The following AGPAT3 variants were observed in gnomAD, a reference collection of about 807,000 sequenced individuals.
AGPAT3 encodes 1-acylglycerol-3-phosphate O-acyltransferase 3, also known as 1-acyl-sn-glycerol-3-phosphate acyltransferase gamma.
A neutral mutation model predicts 47.3 loss-of-function variants in AGPAT3; 5 were observed. That is an observed-to-expected ratio of 0.11 (90% CI 0.06 to 0.22). The LOEUF (loss-of-function observed/expected upper bound fraction) is 0.22. Among genes scored for constraint, AGPAT3 ranks in the 10% least tolerant of loss-of-function variants. The pLI is 1.00. For missense variants in AGPAT3, 315 were observed against 493.0 expected (o/e 0.64, Z 3.42); for synonymous variants, 212 against 208.3 (o/e 1.02, Z -0.15).
chr21:43,891,522 A>G (rs1300258258), intron 1 of AGPAT3, among the ~76,000 whole-genome samples: 3 of 151,952 alleles, frequency 2.0e-5, no homozygotes, highest in Non-Finnish European at 4.4e-5. Context: ...AATCCCAGCT[A>G]CTCAAGAGGC....
intron 2 of AGPAT3, among the ~76,000 whole-genome samples, chr21:43,947,792 T>G (rs1247534932): frequency 6.6e-6 from 1 of 151,570 alleles, no homozygotes; most frequent in African/African-American, 2.4e-5. Flanking sequence ...TATAGGCGCC[T>G]GCCACCACAC....
rs1441974269 is a variant in AGPAT3 at position 43,872,993 on chromosome 21, CT to C, written c.-112+7649del. Among the ~76,000 whole-genome samples the C allele has an allele frequency of 6.6e-5, 10 of 152,242 alleles. 1 individual carries two copies. The highest frequency in any genetic ancestry group is 1.5e-4 in the Non-Finnish European group (10 of 68,040). Reference sequence around the variant, plus strand: ...AACCACAGAGAGCTGCGGCCTCCCCCTGCCGGGACGGCGAAACTTAAAAGAC... The same window carrying C: ...AACCACAGAGAGCTGCGGCCTCCCCCGCCGGGACGGCGAAACTTAAAAGAC... On this transcript the variant is annotated intron_variant, in intron 1 of 9. Coordinates refer to ENST00000291572, the MANE Select transcript of AGPAT3 (RefSeq NM_020132.5).
chr21:43,967,524 T>G (rs528934464), intron 3 of AGPAT3: 9 of 161,388 alleles, frequency 5.6e-5, no homozygotes, highest in African/African-American at 2.1e-4. Context: ...AATTCCATTC[T>G]GCTCTTAACT....
chr21:43,969,126 G>A lies in AGPAT3; in HGVS notation c.357G>A (p.Lys119=). The A allele has an allele frequency of 6.2e-7, 1 of 1,614,154 alleles. No individual in the cohort carries two copies. The highest frequency in any genetic ancestry group is 1.3e-5 in the African/African-American group (1 of 75,054). ...CCTTCTCCTCCCTCCAGAGCTCCAA[G>A]GTCCTCGCTAAGAAGGAGCTGCTCT... ...CERFGVLGSS[K]VLAKKELLYV... The change falls in exon 5 of 10, where the codon AAG becomes AAA. Residue 119 remains lysine, a synonymous_variant. Coordinates refer to ENST00000291572, the MANE Select transcript of AGPAT3 (RefSeq NM_020132.5).
intron 2 of AGPAT3, among the ~76,000 whole-genome samples, chr21:43,917,924 G>GTGTGGGTGT (rs1176136751): frequency 5.9e-4 from 46 of 77,360 alleles, no homozygotes; most frequent in African/African-American, 2.2e-3. Flanking sequence ...GTTGTAGGGG[G>GTGTGGGTGT]TGTGGGTGTT....
rs542511827 is a variant in AGPAT3 at position 43,894,895 on chromosome 21, G to T, written c.-111-9062G>T. On this transcript the variant is annotated intron_variant, in intron 1 of 9. Transcript: ENST00000291572. ...TCCCCTTTCTTTCCTGACCTGATTC[G>T]CACCTCCTCTCTTTTTATCATCAAC... Among the ~76,000 whole-genome samples the T allele has an allele frequency of 2.6e-5, 4 of 152,042 alleles. No homozygotes were observed. The South Asian group carries it at 8.3e-4, about 32-fold the overall frequency.
chr21:43,897,707 G>A (rs986299699), intron 1 of AGPAT3, among the ~76,000 whole-genome samples: 18 of 152,098 alleles, frequency 1.2e-4, no homozygotes, highest in African/African-American at 4.3e-4. Flanking sequence ...GGGGCGGCTG[G>A]GCAGAGACGC....
chr21:43,872,188 T>G (rs2085637782), intron 1 of AGPAT3, among the ~76,000 whole-genome samples: 1 of 151,912 alleles, frequency 6.6e-6, no homozygotes, highest in South Asian at 2.1e-4. Context: ...GTTTTTTTTT[T>G]TTTTTCTTTT....
intron 2 of AGPAT3, chr21:43,916,404 A>G (rs1489978277): frequency 6.6e-6 from 1 of 152,158 alleles, no homozygotes; most frequent in Admixed American, 6.5e-5. Context: ...TGCTGAATGA[A>G]GTGTGTCGGG....
At chr21:43,892,330 GA>G (rs1332277884) in intron 1 of AGPAT3, among the ~76,000 whole-genome samples, 1 of 151,412 alleles carries the variant, frequency 6.6e-6, no homozygotes, top group Non-Finnish European at 1.5e-5. Context: ...GAAAAAAAAA[GA>G]AATTACTCCT....
intron 3 of AGPAT3, among the ~76,000 whole-genome samples, chr21:43,962,158 T>G (rs1056803355): frequency 1.2e-4 from 19 of 152,008 alleles, no homozygotes; most frequent in East Asian, 3.9e-4. Context: ...CCGCCACCAC[T>G]CCTGGCTAAT....
rs1321385797 is a variant in AGPAT3 at position 43,934,966 on chromosome 21, A to G, written c.-48-24668A>G. Among the ~76,000 whole-genome samples the G allele has an allele frequency of 6.7e-6, 1 of 148,600 alleles. No individual in the cohort carries two copies. The highest frequency in any genetic ancestry group is 1.5e-5 in the Non-Finnish European group (1 of 67,224). On this transcript the variant is annotated intron_variant, in intron 2 of 9. Transcript: ENST00000291572. The surrounding 1 kb of genome is among the most constrained non-coding windows in gnomAD (Gnocchi z 4.7). The stretch of plus-strand genomic sequence containing the variant: ...GCCACTCACATGCCACTCACATGCC[A>G]TTGACACGCCACCACGCCACTTACG...
chr21:43,896,874 A>G (rs910406941), intron 1 of AGPAT3, among the ~76,000 whole-genome samples: 13 of 148,196 alleles, frequency 8.8e-5, no homozygotes, highest in African/African-American at 2.5e-4. Context: ...GTATCTTTAA[A>G]TCTGAAATGT....
intron 2 of AGPAT3, among the ~76,000 whole-genome samples, chr21:43,953,573 CTT>C (rs1693143211): frequency 6.6e-6 from 1 of 152,162 alleles, no homozygotes; most frequent in African/African-American, 2.4e-5. Context: ...GCAAAAGAGA[CTT>C]TTAATATATT....
rs1202536639 is a variant in AGPAT3, at chr21:43,934,192, G to T, written c.-48-25442G>T. Reference sequence around the variant, plus strand: ...GCACCAGCTCCCCTGCCGAGCACCAGCTCCCATATGCCAGTCCCCTGAGAA... The same window carrying T: ...GCACCAGCTCCCCTGCCGAGCACCATCTCCCATATGCCAGTCCCCTGAGAA... On this transcript the variant is annotated intron_variant, in intron 2 of 9. Transcript: ENST00000291572. This position sits in a 1 kb window ranked among gnomAD's most constrained non-coding sequence, Gnocchi z 4.7. 6.6e-6 allele frequency among the ~76,000 whole-genome samples: 1 copy of T among 152,176 alleles called. No homozygotes were observed. The highest frequency in any genetic ancestry group is 2.4e-5 in the African/African-American group (1 of 41,434).
intron 7 of AGPAT3, 32 bp downstream of exon 7, chr21:43,971,522 C>T: frequency 1.2e-6 from 2 of 1,601,538 alleles, no homozygotes; most frequent in South Asian, 1.1e-5. Flanking sequence ...CTCGCGCCGC[C>T]CCCCATACCT....
Position 43,930,618 on chromosome 21 carries a change from C to A in AGPAT3, c.-49+26599C>A, listed in dbSNP as rs1013162180. ...GGGTGTCCACAGTGGGCAGGCCTGG[C>A]GGGGTGAGGGTGGGTGGGTGTTTCT... On this transcript the variant is annotated intron_variant, in intron 2 of 9. Transcript: ENST00000291572. This position sits in a 1 kb window ranked among gnomAD's most constrained non-coding sequence, Gnocchi z 5.0. 1.2e-4 allele frequency among the ~76,000 whole-genome samples: 3 copies of A among 24,050 alleles called. No homozygotes were observed. Among genetic ancestry groups the A allele is most frequent in the Non-Finnish European group, 2.4e-4 (3 of 12,526 alleles). The allele number at this position is 24,050 out of a possible 152,430, so 15.8% of individuals were successfully genotyped here. A position where few individuals can be genotyped will look rare whatever the true frequency, so the allele number is the denominator to read the frequency against.
In AGPAT3 at chr21:43,935,000, G is replaced by A. The variant is rs1280672457; in HGVS notation, c.-48-24634G>A. Reference sequence around the variant, plus strand: ...CCACCACGCCACTTACGCCACCCACGCTACTACCCATGCCACCCATGTGCC... The same window carrying A: ...CCACCACGCCACTTACGCCACCCACACTACTACCCATGCCACCCATGTGCC... On this transcript the variant is annotated intron_variant, in intron 2 of 9. Coordinates refer to ENST00000291572, the MANE Select transcript of AGPAT3 (RefSeq NM_020132.5). This position sits in a 1 kb window ranked among gnomAD's most constrained non-coding sequence, Gnocchi z 4.7. Among the ~76,000 whole-genome samples the A allele has an allele frequency of 3.4e-5, 5 of 148,632 alleles. No homozygotes were observed. The East Asian group carries it at 1.0e-3, about 30-fold the overall frequency.
chr21:43,884,305 A>T (rs1045143756), intron 1 of AGPAT3, among the ~76,000 whole-genome samples: 2 of 128,062 alleles, frequency 1.6e-5, no homozygotes, highest in East Asian at 5.3e-4. Flanking sequence ...TCTCCTGCTG[A>T]GGGCATTTGG....
Sources: gnomAD v4.1 joint callset for allele counts (sites outside exome capture counted in the v4.1 genomes callset) on GRCh38, gnomAD v4.1.1 for gene constraint, Gnocchi (gnomAD v3.1) non-coding constraint, MANE v1.5 for transcripts, NCBI Gene and HGNC (gene_info 2026-07-23, HGNC 2026-07-21) for gene names.